The following SLC25A37 variants were observed in gnomAD, a reference collection of about 807,000 sequenced individuals.
SLC25A37 encodes the protein solute carrier family 25 member 37.
SLC25A37 carries 17 observed loss-of-function variants against 31.0 expected under a neutral mutation model. The observed-to-expected ratio is 0.55, with a 90% CI of 0.38 to 0.82. The LOEUF is 0.82. SLC25A37 is among the 40% of genes least tolerant of loss of function. SLC25A37 has a pLI of 0.00. For synonymous variants in SLC25A37, 222 were observed against 193.0 expected, an observed-to-expected ratio of 1.15 and a Z score of -1.24; for missense variants, 404 against 465.8, an observed-to-expected ratio of 0.87 and a Z score of 1.22.
At chr8:23,561,501 T>C (rs1802514345) in intron 1 of SLC25A37, among the ~76,000 whole-genome samples, 1 of 152,234 alleles carries the variant, frequency 6.6e-6, no homozygotes, top group Non-Finnish European at 1.5e-5. Flanking sequence ...CCAGCAGCTC[T>C]CTGGGCGATT....
At chr8:23,570,540 A>T (rs1802796838) in intron 3 of SLC25A37, among the ~76,000 whole-genome samples, 1 of 152,196 alleles carries the variant, frequency 6.6e-6, no homozygotes, top group South Asian at 2.1e-4. Flanking sequence ...TCATTCAGGG[A>T]CCCAGTCAGT....
At chr8:23,534,462 C>T (rs191018828) in intron 1 of SLC25A37, among the ~76,000 whole-genome samples, 1 of 152,314 alleles carries the variant, frequency 6.6e-6, no homozygotes, top group Non-Finnish European at 1.5e-5. Flanking sequence ...TCTTTCCTGA[C>T]CCAGCTTTCC....
In SLC25A37 at chr8:23,566,216, G is replaced by A. The variant is rs376704509; in HGVS notation, c.319G>A (p.Val107Ile). ...TEGFWRPLRG[V>I]NVMIMGAGPA... ...AGGCTTCTGGAGGCCCTTGCGAGGC[G>A]TCAACGTCATGATCATGGGTGCAGG... The change falls in exon 2 of 4, where the codon GTC becomes ATC. Residue 107 changes from valine (V) to isoleucine (I), a missense_variant. Physicochemically the swap from Val to Ile is conservative, Grantham distance 29. Around this residue, in one of 3 missense-constraint regions of SLC25A37, gnomAD observed 154 missense variants for 153.6 expected, o/e 1.00. Transcript: ENST00000519973. 1.6e-5 allele frequency: 26 copies of A among 1,602,700 alleles called. No homozygotes were observed. Among genetic ancestry groups the A allele is most frequent in the Middle Eastern group, 1.7e-4 (1 of 6,042 alleles).
chr8:23,571,088 G>A (rs1309835247), intron 3 of SLC25A37, among the ~76,000 whole-genome samples: 1 of 152,208 alleles, frequency 6.6e-6, no homozygotes, highest in Non-Finnish European at 1.5e-5. Flanking sequence ...AGGCAGGAGA[G>A]ACGGAAATAG....
intron 1 of SLC25A37, among the ~76,000 whole-genome samples, chr8:23,545,686 T>C (rs187653717): frequency 6.6e-6 from 1 of 152,298 alleles, no homozygotes. Flanking sequence ...ATGGTCAGGA[T>C]AGAAGCATAG....
intron 1 of SLC25A37, among the ~76,000 whole-genome samples, chr8:23,533,629 G>A (rs1801704992): frequency 6.6e-6 from 1 of 152,210 alleles, no homozygotes; most frequent in African/African-American, 2.4e-5. Context: ...CTCATCGGAT[G>A]AACTCACCTG....
At position 23,529,968 on chromosome 8, in the gene SLC25A37, C is replaced by A. The variant is rs1450307125; in HGVS notation, c.210+756C>A. Among the ~76,000 whole-genome samples, 1 of 152,110 alleles carries A rather than the reference C, an allele frequency of 6.6e-6. No individual in the cohort carries two copies. On this transcript the variant is annotated intron_variant, in intron 1 of 3. Coordinates refer to ENST00000519973, the MANE Select transcript of SLC25A37 (RefSeq NM_016612.4). This position sits in a 1 kb window ranked among gnomAD's most constrained non-coding sequence, Gnocchi z 4.1. The stretch of plus-strand genomic sequence containing the variant: ...TGAGAGGCACTCAGTTTCCTTTAAA[C>A]CCTGTCTGTCACTTGCCCCGGTAGT...
rs1454666684 is a variant in SLC25A37, at chr8:23,573,586, A to G, written c.*1731A>G. On this transcript the variant is annotated 3_prime_UTR_variant, in exon 4 of 4. Transcript: ENST00000519973. ...TGAGTGGTGCTACTGCCTAGGAAGT[A>G]ACACGTGGAGAATTTCCATCTTGGG... 3.1e-6 allele frequency: 1 copy of G among 326,752 alleles called. No individual in the cohort carries two copies. Among genetic ancestry groups the G allele is most frequent in the Non-Finnish European group, 6.2e-6 (1 of 160,024 alleles). The allele number at this position is 326,752 out of a possible 1,614,324, so 20.2% of individuals were successfully genotyped here.
intron 1 of SLC25A37, among the ~76,000 whole-genome samples, chr8:23,545,918 C>T (rs1053891698): frequency 1.3e-5 from 2 of 152,106 alleles, no homozygotes; most frequent in African/African-American, 4.8e-5. Flanking sequence ...GGGTGGATCA[C>T]GAGGTCAGAA....
At chr8:23,547,753 T>C (rs1267795356) in intron 1 of SLC25A37, among the ~76,000 whole-genome samples, 3 of 152,198 alleles carry the variant, frequency 2.0e-5, no homozygotes, top group African/African-American at 7.2e-5. Flanking sequence ...AAATAAATGA[T>C]AGTTTATTTA....
At chr8:23,548,553 C>T (rs1408240932) in intron 1 of SLC25A37, among the ~76,000 whole-genome samples, 1 of 151,070 alleles carries the variant, frequency 6.6e-6, no homozygotes, top group Non-Finnish European at 1.5e-5. Flanking sequence ...TCACTGTAAC[C>T]TCCACCTCCT....
At chr8:23,562,999 C>T (rs1004903430) in intron 1 of SLC25A37, among the ~76,000 whole-genome samples, 13 of 152,160 alleles carry the variant, frequency 8.5e-5, no homozygotes, top group Non-Finnish European at 1.8e-4. Context: ...CCTCTTCCTT[C>T]CCAGCATGAA....
At chr8:23,566,494 G>T in intron 2 of SLC25A37, 158 bp downstream of exon 2, 3 of 1,406,836 alleles carry the variant, frequency 2.1e-6, no homozygotes, top group South Asian at 1.6e-5. Flanking sequence ...CCAGACACAC[G>T]CACGCACACA....
chr8:23,542,027 G>A (rs2117397496), intron 1 of SLC25A37, among the ~76,000 whole-genome samples: 1 of 152,306 alleles, frequency 6.6e-6, no homozygotes, highest in Non-Finnish European at 1.5e-5. Context: ...GATTCACATG[G>A]TATTTGTGAA....
chr8:23,553,198 A>T (rs1802274919), intron 1 of SLC25A37, among the ~76,000 whole-genome samples: 1 of 152,170 alleles, frequency 6.6e-6, no homozygotes, highest in Non-Finnish European at 1.5e-5. Flanking sequence ...AGGTGGGTGG[A>T]TCACCTGAGG....
chr8:23,545,397 T>C (rs1181852720), intron 1 of SLC25A37, among the ~76,000 whole-genome samples: 1 of 152,238 alleles, frequency 6.6e-6, no homozygotes, highest in Non-Finnish European at 1.5e-5. Context: ...GTAAAGGGCC[T>C]GAGATGAGAG....
rs540950017 is a variant in SLC25A37 at position 23,572,203 on chromosome 8, TAAAAAAAAAAAAAAAAAAAAAAAAAA to T, written c.*368_*393del. On this transcript the variant is annotated 3_prime_UTR_variant, in exon 4 of 4. Coordinates refer to ENST00000519973, the MANE Select transcript of SLC25A37 (RefSeq NM_016612.4). The stretch of plus-strand genomic sequence containing the variant: ...GAAAATTTGCAGTGACTGAAAACAG[TAAAAAAAAAAAAAAAAAAAAAAAAAA>T]AAAAAAAAAAAAAAAAAAATTTATG... 3.6e-4 allele frequency: 31 copies of T among 85,998 alleles called. No individual in the cohort carries two copies. In the East Asian group the frequency reaches 5.7e-3, roughly 16 times the overall value. The allele number at this position is 85,998 out of a possible 1,614,324, so 5.3% of individuals were successfully genotyped here.
At chr8:23,532,355 C>T (rs1209560895) in intron 1 of SLC25A37, among the ~76,000 whole-genome samples, 2 of 152,196 alleles carry the variant, frequency 1.3e-5, no homozygotes, top group Non-Finnish European at 2.9e-5. Flanking sequence ...GTGGCAATGA[C>T]TTACTCCTGT....
At chr8:23,532,733 C>G (rs887595863) in intron 1 of SLC25A37, among the ~76,000 whole-genome samples, 1 of 152,212 alleles carries the variant, frequency 6.6e-6, no homozygotes, top group Non-Finnish European at 1.5e-5. Flanking sequence ...CTCTAGGAGC[C>G]TCCTGGCTGA....
Sources: allele counts gnomAD v4.1 joint callset (sites outside exome capture counted in the v4.1 genomes callset), GRCh38; gene constraint gnomAD v4.1.1; regional missense constraint gnomAD v4.1.1; non-coding constraint Gnocchi (gnomAD v3.1); transcripts MANE v1.5; gene names NCBI Gene and HGNC (gene_info 2026-07-23, HGNC 2026-07-21).